EVA1C: variants seen among roughly 807,000 people sequenced by gnomAD.
The protein encoded by EVA1C is eva-1 homolog C.
In EVA1C, 25 loss-of-function variants were observed where a neutral mutation model predicts 45.4. The observed-to-expected ratio is 0.55, with a 90% CI of 0.40 to 0.77. The LOEUF (loss-of-function observed/expected upper bound fraction) is 0.77. Among genes scored for constraint, EVA1C ranks in the 30% least tolerant of loss-of-function variants. The probability of loss-of-function intolerance (pLI) is 0.00; values close to 1 mark genes in which losing one functional copy is unlikely to be tolerated. For missense variants in EVA1C, 479 were observed against 554.8 expected, an observed-to-expected ratio of 0.86 and a Z score of 1.37; for synonymous variants, 190 against 221.2, an observed-to-expected ratio of 0.86 and a Z score of 1.25.
At chr21:32,506,255 T>G (rs746594180) in intron 7 of EVA1C, among the ~76,000 whole-genome samples, 1 of 147,022 alleles carries the variant, frequency 6.8e-6, no homozygotes, top group Non-Finnish European at 1.5e-5. Flanking sequence ...GTATCTAGGA[T>G]GCGGTGCTGG....
At chr21:32,448,916 G>GAAAGAAAGAAAGAGAGAGAGAA (rs60517808) in intron 1 of EVA1C, among the ~76,000 whole-genome samples, 1 of 145,940 alleles carries the variant, frequency 6.9e-6, no homozygotes, top group African/African-American at 2.6e-5. Context: ...AAGGAGAAAA[G>GAAAGAAAGAAAGAGAGAGAGAA]AGAGAAAGAA....
intron 6 of EVA1C, among the ~76,000 whole-genome samples, chr21:32,503,190 C>G (rs1310142708): frequency 6.6e-6 from 1 of 152,212 alleles, no homozygotes; most frequent in South Asian, 2.1e-4. Context: ...TACAACCTCC[C>G]TCTGTAATGG....
intron 3 of EVA1C, among the ~76,000 whole-genome samples, chr21:32,465,617 A>G (rs1370705336): frequency 6.6e-6 from 1 of 152,156 alleles, no homozygotes; most frequent in Non-Finnish European, 1.5e-5. Context: ...TTTGCTGAGC[A>G]AAATATAGTA....
intron 1 of EVA1C, among the ~76,000 whole-genome samples, chr21:32,440,024 G>C (rs1434337784): frequency 6.6e-6 from 1 of 152,048 alleles, no homozygotes; most frequent in Non-Finnish European, 1.5e-5. Flanking sequence ...AGAGTTGAAA[G>C]GCTGTCTAAG....
At chr21:32,445,545 G>A (rs1196105784) in intron 1 of EVA1C, among the ~76,000 whole-genome samples, 3 of 152,104 alleles carry the variant, frequency 2.0e-5, no homozygotes, top group African/African-American at 7.2e-5. Context: ...AGTAAGTATG[G>A]GGCCCCAAGA....
intron 5 of EVA1C, among the ~76,000 whole-genome samples, chr21:32,495,690 ATT>A: frequency 6.6e-6 from 1 of 152,214 alleles, no homozygotes; most frequent in Non-Finnish European, 1.5e-5. Context: ...ACACGACAGC[ATT>A]ACTTTGTTTT....
At position 32,455,754 on chromosome 21, in the gene EVA1C, G is replaced by A. The variant is rs140263167; in HGVS notation, c.358-1843G>A. On this transcript the variant is annotated intron_variant, in intron 2 of 7. Coordinates refer to ENST00000300255, the MANE Select transcript of EVA1C (RefSeq NM_058187.5). ...CCTCTGCCAGATACCCCTGAGGGAA[G>A]AGGATGTTCTATAACCAGGCCGACA... is the stretch of plus-strand genomic sequence containing the variant. 3.9e-3 allele frequency among the ~76,000 whole-genome samples: 590 copies of A among 152,302 alleles called. 2 individuals are homozygous for A. Among genetic ancestry groups the A allele is most frequent in the Middle Eastern group, 0.02 (6 of 294 alleles).
intron 4 of EVA1C, among the ~76,000 whole-genome samples, chr21:32,486,066 C>T (rs902601353): frequency 1.3e-5 from 2 of 152,220 alleles, no homozygotes; most frequent in Admixed American, 6.5e-5. Flanking sequence ...TTGAACCAAT[C>T]GCCATGAGCA....
intron 3 of EVA1C, among the ~76,000 whole-genome samples, chr21:32,462,149 G>A (rs1236374418): frequency 6.6e-6 from 1 of 151,616 alleles, no homozygotes; most frequent in Non-Finnish European, 1.5e-5. Flanking sequence ...ATTTTGGGAG[G>A]CCAAGGCAGG....
chr21:32,434,632 AATTT>A (rs2034862446), intron 1 of EVA1C, among the ~76,000 whole-genome samples: 1 of 143,646 alleles, frequency 7.0e-6, no homozygotes, highest in Non-Finnish European at 1.5e-5. Flanking sequence ...AAATAAATAA[AATTT>A]TATATATATA....
intron 1 of EVA1C, 70 bp from the exon 2 acceptor site, chr21:32,453,242 T>A (rs1449264895): frequency 4.3e-6 from 5 of 1,171,568 alleles, no homozygotes; most frequent in Non-Finnish European, 4.9e-6. Context: ...ACCAACGTCC[T>A]CCTGTCCCCA....
intron 2 of EVA1C, among the ~76,000 whole-genome samples, chr21:32,455,026 A>T (rs571814354): frequency 6.6e-6 from 1 of 152,196 alleles, no homozygotes; most frequent in Non-Finnish European, 1.5e-5. Flanking sequence ...CCACTGTCTT[A>T]GTCCTTTTTG....
chr21:32,481,903 T>C (rs569032496), intron 4 of EVA1C, among the ~76,000 whole-genome samples: 2 of 152,302 alleles, frequency 1.3e-5, no homozygotes, highest in African/African-American at 2.4e-5. Flanking sequence ...CGCTGTACCA[T>C]AGATGCTTGT....
In EVA1C at chr21:32,515,095, G is replaced by A; in HGVS notation, c.1231G>A (p.Glu411Lys). The A allele has an allele frequency of 6.2e-7, 1 of 1,614,162 alleles. No individual in the cohort carries two copies. The highest frequency in any genetic ancestry group is 8.5e-7 in the Non-Finnish European group (1 of 1,180,000). Residue 411 changes from glutamate (E) to lysine (K), a missense_variant, in exon 8 of 8, where the codon GAA becomes AAA. This residue lies in a region of EVA1C where 366 missense variants were observed against 426.1 expected (regional missense o/e 0.86). Coordinates refer to ENST00000300255, the MANE Select transcript of EVA1C (RefSeq NM_058187.5). ...YSSIEAAELA[E>K]RIERREQIIQ... ...TTCCATAGAAGCTGCAGAGCTCGCA[G>A]AAAGGATTGAGCGCAGGGAGCAAAT...
Position 32,474,583 on chromosome 21 carries a change from T to A in EVA1C, c.634+6735T>A, listed in dbSNP as rs773745913. Among the ~76,000 whole-genome samples, 1 of 152,230 alleles carries A rather than the reference T, an allele frequency of 6.6e-6. No individual in the cohort carries two copies. Among genetic ancestry groups the A allele is most frequent in the Non-Finnish European group, 1.5e-5 (1 of 68,040 alleles). The stretch of plus-strand genomic sequence containing the variant: ...GCATGGAGATAGACCATGGTATGTG[T>A]GTGTGGTTCATCTCCCCAGGAGCTA... On this transcript the variant is annotated intron_variant, in intron 4 of 7. Coordinates refer to ENST00000300255, the MANE Select transcript of EVA1C (RefSeq NM_058187.5). The surrounding 1 kb of genome is among the most constrained non-coding windows in gnomAD (Gnocchi z 4.4).
At chr21:32,483,849 G>A (rs535385058) in intron 4 of EVA1C, among the ~76,000 whole-genome samples, 37 of 152,156 alleles carry the variant, frequency 2.4e-4, no homozygotes, top group African/African-American at 8.2e-4. Flanking sequence ...AAATAAGTCC[G>A]AACCTTCATG....
intron 1 of EVA1C, among the ~76,000 whole-genome samples, chr21:32,435,356 T>C (rs9984442): frequency 0.049 from 7,476 of 152,012 alleles, 237 homozygotes; most frequent in African/African-American, 0.16. Context: ...ACCCAGCTGT[T>C]GTCCCATCTC....
intron 2 of EVA1C, 80 bp downstream of exon 2, chr21:32,453,588 G>A (rs1427692417): frequency 3.6e-6 from 4 of 1,096,614 alleles, no homozygotes; most frequent in African/African-American, 3.1e-5. Context: ...AAATATATTT[G>A]TGATTATATA....
Position 32,415,829 on chromosome 21 carries a change from G to A in EVA1C, c.160+2816G>A, listed in dbSNP as rs577253869. On this transcript the variant is annotated intron_variant, in intron 1 of 7. Coordinates refer to ENST00000300255, the MANE Select transcript of EVA1C (RefSeq NM_058187.5). ...ATGAATCCCAGCGAAGGCAAGAGAA[G>A]TTCATGCAAAATTAGTGCCTCTGAT... is the stretch of plus-strand genomic sequence containing the variant. 7.9e-5 allele frequency among the ~76,000 whole-genome samples: 12 copies of A among 152,328 alleles called. No individual in the cohort carries two copies. The East Asian group carries it at 2.3e-3, about 29-fold the overall frequency.
Sources: allele counts gnomAD v4.1 joint callset (sites outside exome capture counted in the v4.1 genomes callset), GRCh38; gene constraint gnomAD v4.1.1; regional missense constraint gnomAD v4.1.1; non-coding constraint Gnocchi (gnomAD v3.1); transcripts MANE v1.5; gene names NCBI Gene and HGNC (gene_info 2026-07-23, HGNC 2026-07-21).